The following CDKAL1 variants were observed in gnomAD, a reference collection of about 807,000 sequenced individuals.
The protein encoded by CDKAL1 is CDKAL1 threonylcarbamoyladenosine tRNA methylthiotransferase.
In CDKAL1, 32 loss-of-function variants were observed where a neutral mutation model predicts 68.2. The observed-to-expected ratio is 0.47, with a 90% CI of 0.35 to 0.63. The LOEUF is 0.63. CDKAL1 is among the 30% of genes least tolerant of loss of function. CDKAL1 has a pLI of 0.00. For synonymous variants in CDKAL1, 234 were observed against 244.3 expected (o/e 0.96, Z 0.39); for missense variants, 606 against 696.7 (o/e 0.87, Z 1.47).
At chr6:21,192,810 C>CTTTT (rs34456723) in intron 13 of CDKAL1, among the ~76,000 whole-genome samples, 1 of 124,856 alleles carries the variant, frequency 8.0e-6, no homozygotes, top group African/African-American at 3.1e-5. Flanking sequence ...TTGAGAGTTC[C>CTTTT]TTTTTTTTTT....
chr6:20,797,031 C>T (rs922395494), intron 8 of CDKAL1, among the ~76,000 whole-genome samples: 6 of 152,142 alleles, frequency 3.9e-5, no homozygotes, highest in Non-Finnish European at 7.4e-5. Flanking sequence ...AAAAGATGGA[C>T]TTAATCAAAA....
chr6:21,141,335 G>A (rs1415300726), intron 13 of CDKAL1, among the ~76,000 whole-genome samples: 1 of 152,180 alleles, frequency 6.6e-6, no homozygotes, highest in Non-Finnish European at 1.5e-5. Context: ...CGAAGCCTTT[G>A]CTTCTTACAA....
chr6:20,809,459 T>C (rs1776704018), intron 8 of CDKAL1, among the ~76,000 whole-genome samples: 1 of 152,200 alleles, frequency 6.6e-6, no homozygotes, highest in Non-Finnish European at 1.5e-5. Flanking sequence ...TCATTTTTTG[T>C]AACCATCTGA....
Position 20,591,336 on chromosome 6 carries a change from G to C in CDKAL1, c.286+42631G>C, listed in dbSNP as rs201217143. Among the ~76,000 whole-genome samples, 11 of 152,166 alleles carry C rather than the reference G, an allele frequency of 7.2e-5. No homozygotes were observed. In the East Asian group the frequency reaches 1.7e-3, roughly 24 times the overall value. On this transcript the variant is annotated intron_variant, in intron 4 of 15. Transcript: ENST00000274695. ...CACTCTGATGATAGTTTCTTTTGCT[G>C]TGCAGAAGCTCTTTAGTTTAATTAG... is the stretch of plus-strand genomic sequence containing the variant.
At position 20,991,346 on chromosome 6, in the gene CDKAL1, G is replaced by A. The variant is rs531815874; in HGVS notation, c.910-8881G>A. On this transcript the variant is annotated intron_variant, in intron 10 of 15. Coordinates refer to ENST00000274695, the MANE Select transcript of CDKAL1 (RefSeq NM_017774.3). ...CAAAAGGTTCTGGAGATGGACAGTG[G>A]GTGGTGGTTTGTCCAACATTGACTG... Among the ~76,000 whole-genome samples, 13 of 152,202 alleles carry A rather than the reference G, an allele frequency of 8.5e-5. No individual in the cohort carries two copies. The South Asian group carries it at 2.7e-3, about 32-fold the overall frequency.
intron 4 of CDKAL1, among the ~76,000 whole-genome samples, chr6:20,565,147 A>G (rs577244334): frequency 2.2e-4 from 33 of 152,024 alleles, no homozygotes; most frequent in African/African-American, 7.2e-4. Context: ...ATCTATATAT[A>G]TATATATTTT....
chr6:20,983,525 A>C (rs1766270779), intron 10 of CDKAL1, among the ~76,000 whole-genome samples: 1 of 152,226 alleles, frequency 6.6e-6, no homozygotes, highest in African/African-American at 2.4e-5. Context: ...GTTGGAGACC[A>C]GCCTGGCCAA....
At chr6:21,124,443 A>G (rs1456230510) in intron 13 of CDKAL1, among the ~76,000 whole-genome samples, 1 of 151,932 alleles carries the variant, frequency 6.6e-6, no homozygotes, top group Non-Finnish European at 1.5e-5. Flanking sequence ...TTCCTTTTGA[A>G]TGGTACCCCA....
intron 9 of CDKAL1, among the ~76,000 whole-genome samples, chr6:20,940,217 A>G (rs1458344644): frequency 6.6e-6 from 1 of 152,182 alleles, no homozygotes; most frequent in Non-Finnish European, 1.5e-5. Flanking sequence ...TACAATCAAG[A>G]AATATACATA....
intron 15 of CDKAL1, among the ~76,000 whole-genome samples, chr6:21,218,704 T>G (rs1779426998): frequency 6.6e-6 from 1 of 152,220 alleles, no homozygotes; most frequent in Non-Finnish European, 1.5e-5. Context: ...GGCAGCTGGC[T>G]TCCCTCAGAG....
At chr6:21,025,272 C>T (rs891905352) in intron 11 of CDKAL1, among the ~76,000 whole-genome samples, 1 of 152,138 alleles carries the variant, frequency 6.6e-6, no homozygotes, top group Admixed American at 6.5e-5. Flanking sequence ...GATAATCTTT[C>T]ATCAGTGTCA....
chr6:20,923,748 C>T (rs552188599), intron 9 of CDKAL1, among the ~76,000 whole-genome samples: 1 of 152,322 alleles, frequency 6.6e-6, no homozygotes, highest in Non-Finnish European at 1.5e-5. Context: ...CATGGCGGCA[C>T]ACGCCTGTAA....
chr6:20,831,287 C>G (rs1346898001), intron 8 of CDKAL1, among the ~76,000 whole-genome samples: 1 of 152,128 alleles, frequency 6.6e-6, no homozygotes, highest in Non-Finnish European at 1.5e-5. Context: ...TCACTGCAAA[C>G]AGTCGTCAAG....
intron 4 of CDKAL1, among the ~76,000 whole-genome samples, chr6:20,578,102 C>G (rs976466987): frequency 4.2e-4 from 64 of 152,256 alleles, no homozygotes; most frequent in African/African-American, 1.5e-3. Context: ...TCCCCTAAAC[C>G]ACCTAAGTAT....
chr6:20,685,053 TGTAATATCTAAAAA>T (rs1375179627), intron 5 of CDKAL1, among the ~76,000 whole-genome samples: 3 of 152,198 alleles, frequency 2.0e-5, no homozygotes, highest in Non-Finnish European at 4.4e-5. Flanking sequence ...GTGCCTTTTG[TGTAATATCTAAAAA>T]GTCATTGTCA....
chr6:21,205,519 G>A (rs959528903), intron 15 of CDKAL1, among the ~76,000 whole-genome samples: 26 of 150,638 alleles, frequency 1.7e-4, no homozygotes, highest in Middle Eastern at 3.4e-3. Context: ...TAATCCGCAT[G>A]GGTCAAGCCT....
At chr6:20,688,476 A>G (rs1303034618) in intron 5 of CDKAL1, among the ~76,000 whole-genome samples, 2 of 149,056 alleles carry the variant, frequency 1.3e-5, no homozygotes, top group African/African-American at 2.5e-5. Context: ...AGTTTTGTAC[A>G]TTTCTATTGT....
intron 8 of CDKAL1, among the ~76,000 whole-genome samples, chr6:20,798,356 T>A (rs1450727792): frequency 1.3e-5 from 2 of 152,048 alleles, no homozygotes. Flanking sequence ...GAAAATGAAA[T>A]TTATGTCAGT....
chr6:20,851,246 G>C (rs998441217), intron 9 of CDKAL1, among the ~76,000 whole-genome samples: 6 of 152,286 alleles, frequency 3.9e-5, no homozygotes, highest in Middle Eastern at 3.4e-3. Context: ...TTTGGGGGCT[G>C]AGTTTGCTGG....
Sources: gnomAD v4.1 joint callset for allele counts (sites outside exome capture counted in the v4.1 genomes callset) on GRCh38, gnomAD v4.1.1 for gene constraint, MANE v1.5 for transcripts, NCBI Gene and HGNC (gene_info 2026-07-23, HGNC 2026-07-21) for gene names.